The following RGS6 variants were observed in gnomAD, a reference collection of about 807,000 sequenced individuals.
RGS6 encodes the protein regulator of G-protein signaling 6.
A neutral mutation model predicts 78.5 loss-of-function variants in RGS6; 30 were observed. The ratio of observed to expected loss-of-function variants is 0.38; its 90% CI spans 0.29 to 0.52. The LOEUF (loss-of-function observed/expected upper bound fraction) is 0.52. Ranked by LOEUF, RGS6 falls within the 20% of genes least tolerant of loss-of-function variation. The probability of loss-of-function intolerance (pLI) is 0.85; values close to 1 mark genes in which losing one functional copy is unlikely to be tolerated. For synonymous variants in RGS6, 206 were observed against 206.0 expected (o/e 1.00, Z 0.00); for missense variants, 495 against 609.7 (o/e 0.81, Z 1.98).
At chr14:72,437,990 C>A (rs1393406035) in intron 3 of RGS6, among the ~76,000 whole-genome samples, 1 of 152,136 alleles carries the variant, frequency 6.6e-6, no homozygotes, top group Non-Finnish European at 1.5e-5. Flanking sequence ...GGTCATAGGG[C>A]AGAGCCATCA....
intron 15 of RGS6, among the ~76,000 whole-genome samples, chr14:72,524,183 C>G (rs543235452): frequency 2.4e-3 from 371 of 152,228 alleles, no homozygotes; most frequent in African/African-American, 8.5e-3. Flanking sequence ...AAATATCTGC[C>G]CTTAGATGGG....
At chr14:72,246,283 C>T (rs956953009) in intron 2 of RGS6, among the ~76,000 whole-genome samples, 1 of 152,204 alleles carries the variant, frequency 6.6e-6, no homozygotes, top group African/African-American at 2.4e-5. Flanking sequence ...TGTGATACTA[C>T]CTAGTCCTAC....
At chr14:72,088,872 T>G (rs1052798561) in intron 2 of RGS6, among the ~76,000 whole-genome samples, 5 of 152,220 alleles carry the variant, frequency 3.3e-5, no homozygotes, top group African/African-American at 1.2e-4. Context: ...TCATTCCCTC[T>G]GCAAGACCTT....
intron 2 of RGS6, among the ~76,000 whole-genome samples, chr14:72,050,937 T>A (rs57062333): frequency 0.013 from 2,046 of 152,326 alleles, 50 homozygotes; most frequent in African/African-American, 0.046. Context: ...ATTGTTTCAC[T>A]TTTGTAGAGG....
At chr14:72,511,980 T>C (rs751037285) in intron 14 of RGS6, among the ~76,000 whole-genome samples, 2 of 152,174 alleles carry the variant, frequency 1.3e-5, no homozygotes, top group Non-Finnish European at 2.9e-5. Flanking sequence ...CTAGCCTCCC[T>C]GTATAGGAAG....
intron 2 of RGS6, among the ~76,000 whole-genome samples, chr14:72,305,800 T>C (rs2067107245): frequency 1.3e-5 from 2 of 152,232 alleles, no homozygotes; most frequent in Non-Finnish European, 2.9e-5. Context: ...CATACATCTC[T>C]CACTTTAAGT....
At chr14:72,259,010 A>G (rs958089631) in intron 2 of RGS6, among the ~76,000 whole-genome samples, 1 of 152,192 alleles carries the variant, frequency 6.6e-6, no homozygotes, top group African/African-American at 2.4e-5. Context: ...GGGAGTCATG[A>G]AAAATATTCC....
chr14:72,153,113 T>A (rs955876933), intron 2 of RGS6, among the ~76,000 whole-genome samples: 4 of 152,168 alleles, frequency 2.6e-5, no homozygotes, highest in Non-Finnish European at 5.9e-5. Flanking sequence ...TCATTATGAA[T>A]GGGACAGGAG....
At chr14:72,073,279 G>A (rs1458242124) in intron 2 of RGS6, among the ~76,000 whole-genome samples, 3 of 152,146 alleles carry the variant, frequency 2.0e-5, no homozygotes, top group Non-Finnish European at 2.9e-5. Flanking sequence ...TAAGTGAAAC[G>A]ATGTATAACA....
intron 2 of RGS6, among the ~76,000 whole-genome samples, chr14:72,268,247 C>T (rs146138600): frequency 1.3e-5 from 2 of 152,268 alleles, no homozygotes; most frequent in East Asian, 3.9e-4. Context: ...GGCCCTCTTT[C>T]GTTAACCGAA....
chr14:72,608,010 A>G, the RGS6 span, among the ~76,000 whole-genome samples: 5 of 152,226 alleles, frequency 3.3e-5, no homozygotes, highest in African/African-American at 7.2e-5. Context: ...TCCCACTGCC[A>G]TGCCCACCTG....
chr14:72,071,954 T>C (rs924042203), intron 2 of RGS6, among the ~76,000 whole-genome samples: 6 of 152,250 alleles, frequency 3.9e-5, no homozygotes. Context: ...TTGTTCTCAG[T>C]GCCATATTTA....
rs536873490 is a variant in RGS6 at position 72,202,399 on chromosome 14, C to T, written c.85-149696C>T. Among the ~76,000 whole-genome samples, 4 of 152,200 alleles carry T rather than the reference C, an allele frequency of 2.6e-5. No individual in the cohort carries two copies. The East Asian group carries it at 5.8e-4, about 22-fold the overall frequency. ...AGAAGTTTCTCCTGCCCTCCAGATT[C>T]CCCTGTGGACCTACTCTGAGTCCAT... On this transcript the variant is annotated intron_variant, in intron 2 of 17. Coordinates refer to ENST00000553525, the MANE Select transcript of RGS6 (RefSeq NM_001204424.2).
intron 2 of RGS6, among the ~76,000 whole-genome samples, chr14:72,089,472 A>G (rs1203671260): frequency 2.0e-5 from 3 of 152,210 alleles, no homozygotes; most frequent in East Asian, 1.9e-4. Context: ...TCGTTTCCTG[A>G]TGATCAAAAC....
the RGS6 span, among the ~76,000 whole-genome samples, chr14:72,595,489 G>T: frequency 1.2e-4 from 13 of 111,842 alleles, no homozygotes; most frequent in Non-Finnish European, 2.0e-4. Flanking sequence ...CAAACAAAAA[G>T]CTTAGCCCCA....
intron 2 of RGS6, among the ~76,000 whole-genome samples, chr14:72,198,181 C>T (rs558657726): frequency 2.6e-4 from 40 of 152,030 alleles, no homozygotes; most frequent in African/African-American, 8.7e-4. Flanking sequence ...GTCAACATGG[C>T]GAAACCCCAT....
At chr14:72,501,759 C>T (rs758328631) in intron 13 of RGS6, among the ~76,000 whole-genome samples, 27 of 152,176 alleles carry the variant, frequency 1.8e-4, no homozygotes, top group African/African-American at 5.6e-4. Context: ...TTGCTCTCTC[C>T]GCATGACTTC....
At chr14:71,879,597 C>T in the RGS6 span, among the ~76,000 whole-genome samples, 1 of 152,270 alleles carries the variant, frequency 6.6e-6, no homozygotes, top group Middle Eastern at 3.4e-3. Context: ...ATAAGTCTCA[C>T]AAGATCTGAT....
intron 3 of RGS6, among the ~76,000 whole-genome samples, chr14:72,354,952 C>T (rs186699955): frequency 1.3e-5 from 2 of 152,014 alleles, no homozygotes; most frequent in East Asian, 1.9e-4. Flanking sequence ...TTATTTTTCA[C>T]ATTCCTGGAT....
Sources: allele counts gnomAD v4.1 joint callset (sites outside exome capture counted in the v4.1 genomes callset), GRCh38; gene constraint gnomAD v4.1.1; transcripts MANE v1.5; gene names NCBI Gene and HGNC (gene_info 2026-07-23, HGNC 2026-07-21).